Variants in CAMTA1 observed in about 807,000 individuals in gnomAD.
CAMTA1 encodes the protein calmodulin-binding transcription activator 1.
CAMTA1 carries 27 observed loss-of-function variants against 170.9 expected under a neutral mutation model. That is an observed-to-expected ratio of 0.16 (90% CI 0.12 to 0.22). CAMTA1 has a LOEUF of 0.22. CAMTA1 is among the 10% of genes least tolerant of loss of function. The probability of loss-of-function intolerance (pLI) is 1.00; values close to 1 mark genes in which losing one functional copy is unlikely to be tolerated. For missense variants in CAMTA1, 1,619 were observed against 2,217.2 expected, an observed-to-expected ratio of 0.73 and a Z score of 5.42; for synonymous variants, 833 against 891.5, an observed-to-expected ratio of 0.93 and a Z score of 1.17.
chr1:7,113,264 G>A lies in CAMTA1; in HGVS notation c.302+21893G>A, dbSNP rs1644171104. 6.6e-6 allele frequency among the ~76,000 whole-genome samples: 1 copy of A among 152,244 alleles called. No individual in the cohort carries two copies. The highest frequency in any genetic ancestry group is 2.4e-5 in the African/African-American group (1 of 41,464). On this transcript the variant is annotated intron_variant, in intron 4 of 22. Transcript: ENST00000303635. The surrounding 1 kb of genome is among the most constrained non-coding windows in gnomAD (Gnocchi z 4.5). ...GACAGCACCCTGGGGCCAGAGGATC[G>A]TGGTTGGCCGTGGGCTGGTCACTGC...
At chr1:6,907,091 A>G (rs1313261034) in intron 3 of CAMTA1, among the ~76,000 whole-genome samples, 3 of 152,136 alleles carry the variant, frequency 2.0e-5, no homozygotes, top group Admixed American at 6.5e-5. Flanking sequence ...CAGTATTTAA[A>G]TATATGTGAT....
intron 1 of CAMTA1, among the ~76,000 whole-genome samples, chr1:6,794,112 T>C (rs1476836762): frequency 1.3e-5 from 2 of 152,240 alleles, no homozygotes; most frequent in Non-Finnish European, 2.9e-5. Context: ...GATAGGGTTA[T>C]TGTATTGAAT....
chr1:6,952,958 G>A (rs934645106), intron 3 of CAMTA1, among the ~76,000 whole-genome samples: 8 of 152,332 alleles, frequency 5.3e-5, no homozygotes, highest in Admixed American at 2.0e-4. Context: ...CCACCGTGGT[G>A]GACACTGGGT....
In CAMTA1 at chr1:7,769,023, CAT is replaced by C. The variant is rs1292771437; in HGVS notation, c.*2533_*2534del. The C allele has an allele frequency of 3.3e-5, 5 of 152,110 alleles. No homozygotes were observed. Among genetic ancestry groups the C allele is most frequent in the Non-Finnish European group, 2.9e-5 (2 of 67,994 alleles). 9.4% of individuals were successfully genotyped at this position (152,110 alleles called of 1,614,324 possible). On this transcript the variant is annotated 3_prime_UTR_variant, in exon 23 of 23. Transcript: ENST00000303635. ...CTCACATTTTTTTTTTAATGTTTCACATGTTACATTATTAGCTGAATACGTTA... is the reference window on the plus strand; with the variant it reads ...CTCACATTTTTTTTTTAATGTTTCACGTTACATTATTAGCTGAATACGTTA...
chr1:7,564,845 T>G (rs2095017766), intron 6 of CAMTA1, among the ~76,000 whole-genome samples: 1 of 149,068 alleles, frequency 6.7e-6, no homozygotes, highest in Non-Finnish European at 1.5e-5. Flanking sequence ...AAAGGAGAGT[T>G]GAGAGGGATG....
chr1:6,980,355 G>C (rs1694228546), intron 3 of CAMTA1, among the ~76,000 whole-genome samples: 1 of 152,190 alleles, frequency 6.6e-6, no homozygotes, highest in Admixed American at 6.5e-5. Context: ...TATTAGGTGG[G>C]CTGGAGGGGT....
intron 21 of CAMTA1, among the ~76,000 whole-genome samples, chr1:7,753,627 C>T (rs1291692084): frequency 6.6e-6 from 1 of 152,070 alleles, no homozygotes; most frequent in Non-Finnish European, 1.5e-5. Flanking sequence ...GTTATTTGTA[C>T]TTTTACTTAA....
intron 6 of CAMTA1, among the ~76,000 whole-genome samples, chr1:7,600,846 A>G (rs1256134950): frequency 6.6e-6 from 1 of 151,778 alleles, no homozygotes; most frequent in Non-Finnish European, 1.5e-5. Flanking sequence ...ATTTTTCTTA[A>G]TACAGAACAA....
intron 1 of CAMTA1, among the ~76,000 whole-genome samples, chr1:6,813,622 T>C (rs139898746): frequency 3.3e-5 from 5 of 152,318 alleles, no homozygotes; most frequent in South Asian, 4.1e-4. Flanking sequence ...GTTTTTTCTT[T>C]TTAAAAATTT....
chr1:7,405,656 G>A (rs1245253533), intron 5 of CAMTA1, among the ~76,000 whole-genome samples: 4 of 152,204 alleles, frequency 2.6e-5, no homozygotes, highest in Non-Finnish European at 5.9e-5. Context: ...ACAGGTGTAA[G>A]TCACCATACC....
chr1:7,583,519 G>C (rs2095279991), intron 6 of CAMTA1, among the ~76,000 whole-genome samples: 1 of 152,264 alleles, frequency 6.6e-6, no homozygotes, highest in East Asian at 1.9e-4. Context: ...AGCTAGATGT[G>C]AGCAGGCAGA....
In CAMTA1 at chr1:7,482,751, T is replaced by C. The variant is rs960070243; in HGVS notation, c.510+14850T>C. Reference sequence around the variant, plus strand: ...AGACCAAGTTCTCAGAAAAACACTGTCGGTTCCAAAGAAATGAGCTCCCAT... The same window carrying C: ...AGACCAAGTTCTCAGAAAAACACTGCCGGTTCCAAAGAAATGAGCTCCCAT... On this transcript the variant is annotated intron_variant, in intron 6 of 22. Transcript: ENST00000303635. The surrounding 1 kb of genome is among the most constrained non-coding windows in gnomAD (Gnocchi z 4.2). Among the ~76,000 whole-genome samples, 1 of 152,188 alleles carries C rather than the reference T, an allele frequency of 6.6e-6. No individual in the cohort carries two copies. The highest frequency in any genetic ancestry group is 2.4e-5 in the African/African-American group (1 of 41,430).
intron 6 of CAMTA1, among the ~76,000 whole-genome samples, chr1:7,517,358 G>A (rs921102023): frequency 6.6e-6 from 1 of 152,134 alleles, no homozygotes; most frequent in African/African-American, 2.4e-5. Flanking sequence ...ACTTCTACCT[G>A]CAACCTTGGC....
At chr1:6,899,679 G>A (rs1410509309) in intron 3 of CAMTA1, among the ~76,000 whole-genome samples, 1 of 152,076 alleles carries the variant, frequency 6.6e-6, no homozygotes, top group African/African-American at 2.4e-5. Context: ...CTTGATTTTT[G>A]TGATGGAGGC....
At chr1:7,611,952 C>T (rs749958514) in intron 6 of CAMTA1, among the ~76,000 whole-genome samples, 2 of 152,230 alleles carry the variant, frequency 1.3e-5, no homozygotes, top group Non-Finnish European at 1.5e-5. Context: ...AGCTGCCATG[C>T]GCCCACTGGG....
intron 5 of CAMTA1, chr1:7,441,090 T>C (rs1306257703): frequency 1.3e-5 from 2 of 152,234 alleles, no homozygotes; most frequent in Non-Finnish European, 2.9e-5. Context: ...GTGCTCACCT[T>C]CTGTGAGCTC....
intron 1 of CAMTA1, among the ~76,000 whole-genome samples, chr1:6,804,517 C>T (rs983235165): frequency 2.6e-5 from 4 of 152,086 alleles, no homozygotes; most frequent in African/African-American, 9.7e-5. Flanking sequence ...CCTCCTCCTC[C>T]CGGCCCTAGT....
intron 3 of CAMTA1, among the ~76,000 whole-genome samples, chr1:6,925,361 AAAAG>A (rs1420297284): frequency 6.6e-6 from 1 of 152,194 alleles, no homozygotes; most frequent in African/African-American, 2.4e-5. Context: ...CTCGTGCAAA[AAAAG>A]GGTCACTTCT....
At chr1:7,390,579 G>A (rs1394663692) in intron 5 of CAMTA1, among the ~76,000 whole-genome samples, 1 of 152,230 alleles carries the variant, frequency 6.6e-6, no homozygotes, top group Non-Finnish European at 1.5e-5. Flanking sequence ...AGGGTCGCTA[G>A]TAGTGCCTGT....
Sources: allele counts gnomAD v4.1 joint callset (sites outside exome capture counted in the v4.1 genomes callset), GRCh38; gene constraint gnomAD v4.1.1; non-coding constraint Gnocchi (gnomAD v3.1); transcripts MANE v1.5; gene names NCBI Gene and HGNC (gene_info 2026-07-23, HGNC 2026-07-21).